Variants in SRD5A3 observed in about 807,000 individuals in gnomAD.
SRD5A3 encodes the protein steroid 5 alpha-reductase 3.
SRD5A3 carries 24 observed loss-of-function variants against 34.3 expected under a neutral mutation model. That is an observed-to-expected ratio of 0.70 (90% confidence interval 0.51 to 0.99). The LOEUF is 0.99. SRD5A3 is among the 50% of genes least tolerant of loss of function. The probability of loss-of-function intolerance (pLI) is 0.00; values close to 1 mark genes in which losing one functional copy is unlikely to be tolerated. For missense variants in SRD5A3, 350 were observed against 388.2 expected, an observed-to-expected ratio of 0.90 and a Z score of 0.83; for synonymous variants, 161 against 167.3, an observed-to-expected ratio of 0.96 and a Z score of 0.29.
chr4:55,356,590 T>C (rs1719470643), intron 1 of SRD5A3, among the ~76,000 whole-genome samples: 1 of 151,808 alleles, frequency 6.6e-6, no homozygotes, highest in Non-Finnish European at 1.5e-5. Flanking sequence ...GCCTCCCGAG[T>C]AGCTGGAACT....
intron 4 of SRD5A3, among the ~76,000 whole-genome samples, chr4:55,369,147 G>C (rs369277039): frequency 2.0e-5 from 3 of 152,078 alleles, no homozygotes; most frequent in Non-Finnish European, 4.4e-5. Flanking sequence ...ACTACAGTCC[G>C]GTCTTCATTT....
rs3762838 is a variant in SRD5A3, at chr4:55,367,816, G to T, written c.697+94G>T. The stretch of plus-strand genomic sequence containing the variant: ...ATGCTTTTCCTTCCTGCCCTAGTTA[G>T]TTGACTGTATCAAATATTGATTTTT... On this transcript the variant is annotated intron_variant, in intron 4 of 4. Coordinates refer to ENST00000264228, the MANE Select transcript of SRD5A3 (RefSeq NM_024592.5). The T allele has an allele frequency of 4.5e-4, 682 of 1,502,634 alleles. 4 individuals are homozygous for T. In the East Asian group the frequency reaches 0.011, roughly 24 times the overall value. 93.1% of individuals were successfully genotyped at this position (1,502,634 alleles called of 1,614,324 possible).
chr4:55,370,227 C>T lies in SRD5A3; in HGVS notation c.*136C>T. ...TCCATTTCTATACCCCACAAGTTTTCACTGAATGAGCATGGCAGTGCCACT... is the reference window on the plus strand; with the variant it reads ...TCCATTTCTATACCCCACAAGTTTTTACTGAATGAGCATGGCAGTGCCACT... On this transcript the variant is annotated 3_prime_UTR_variant, in exon 5 of 5. Coordinates refer to ENST00000264228, the MANE Select transcript of SRD5A3 (RefSeq NM_024592.5). 1.7e-6 allele frequency: 2 copies of T among 1,181,358 alleles called. No homozygotes were observed. The highest frequency in any genetic ancestry group is 2.5e-6 in the Non-Finnish European group (2 of 810,656). 73.2% of individuals were successfully genotyped at this position (1,181,358 alleles called of 1,614,324 possible). A position where few individuals can be genotyped will look rare whatever the true frequency, so the allele number is the denominator to read the frequency against.
At chr4:55,352,445 A>T in intron 1 of SRD5A3, 1 of 724,630 alleles carries the variant, frequency 1.4e-6, no homozygotes, top group Non-Finnish European at 2.6e-6. Context: ...TAATATTTTC[A>T]GAAGGGCTGT....
intron 1 of SRD5A3, among the ~76,000 whole-genome samples, chr4:55,354,035 A>C (rs137966579): frequency 9.0e-4 from 137 of 152,294 alleles, no homozygotes; most frequent in African/African-American, 3.2e-3. Context: ...GTAAACATTA[A>C]TTCCCCTTCT....
At position 55,346,480 on chromosome 4, in the gene SRD5A3, C is replaced by A; in HGVS notation, c.144C>A (p.Asp48Glu). The A allele has an allele frequency of 6.2e-7, 1 of 1,606,198 alleles. No individual in the cohort carries two copies. The highest frequency in any genetic ancestry group is 8.5e-7 in the Non-Finnish European group (1 of 1,176,950). The stretch of plus-strand genomic sequence containing the variant: ...TCCCGGGCTGCGCGATCTTCCAGGA[C>A]CTGATCCGCTATGGGAAAACCAAGT... The part of the protein sequence containing the change: ...GLLPGCAIFQ[D>E]LIRYGKTKCG... The change falls in exon 1 of 5, where the codon GAC becomes GAA. Residue 48 changes from aspartate to glutamate, a missense_variant. Physicochemically the swap from Asp to Glu is conservative, Grantham distance 45. This residue lies in a region of SRD5A3 where 159 missense variants were observed against 149.1 expected (regional missense o/e 1.07). Coordinates refer to ENST00000264228, the MANE Select transcript of SRD5A3 (RefSeq NM_024592.5).
intron 1 of SRD5A3, among the ~76,000 whole-genome samples, chr4:55,357,740 C>G (rs1719524301): frequency 6.6e-6 from 1 of 152,168 alleles, no homozygotes; most frequent in African/African-American, 2.4e-5. Context: ...GGGTCTTGCT[C>G]TATTGCCCAG....
chr4:55,351,441 A>G (rs11133374), intron 1 of SRD5A3, among the ~76,000 whole-genome samples: 136,067 of 152,072 alleles, frequency 0.89, 61,210 homozygotes, highest in East Asian at 1. Context: ...GGGCAAGCAC[A>G]GTGGCTCACA....
At chr4:55,351,336 C>T (rs112719176) in intron 1 of SRD5A3, among the ~76,000 whole-genome samples, 2,064 of 152,064 alleles carry the variant, frequency 0.014, 45 homozygotes, top group African/African-American at 0.048. Context: ...CCTCCCAAAG[C>T]GCCAGGACCA....
intron 1 of SRD5A3, among the ~76,000 whole-genome samples, chr4:55,354,446 T>C (rs1205133483): frequency 6.6e-6 from 1 of 152,170 alleles, no homozygotes; most frequent in East Asian, 1.9e-4. Flanking sequence ...CCCCAAACCA[T>C]AGAGTAGCTT....
intron 1 of SRD5A3, among the ~76,000 whole-genome samples, chr4:55,347,806 G>A (rs1168334907): frequency 6.6e-6 from 1 of 152,136 alleles, no homozygotes; most frequent in African/African-American, 2.4e-5. Context: ...ACAGAGAAGG[G>A]AGAACTAGGT....
rs1027997488 is a variant in SRD5A3 at position 55,359,168 on chromosome 4, T to C, written c.222-178T>C. On this transcript the variant is annotated intron_variant, in intron 1 of 4. Transcript: ENST00000264228. ...TCCTGAAAGTTAACTGGTCCCGTTA[T>C]TTGAAAGGAAATTTTAAGAACCTGA... 5.0e-5 allele frequency: 40 copies of C among 797,040 alleles called. 1 individual carries two copies. In the Admixed American group the frequency reaches 9.8e-4, roughly 20 times the overall value. The allele number at this position is 797,040 out of a possible 1,614,324, so 49.4% of individuals were successfully genotyped here.
chr4:55,346,943 C>T (rs186310102), intron 1 of SRD5A3, among the ~76,000 whole-genome samples: 1 of 152,360 alleles, frequency 6.6e-6, no homozygotes, highest in Admixed American at 6.5e-5. Flanking sequence ...TTCCCGTACC[C>T]TGCACTCCAG....
At chr4:55,356,000 A>ATTTTTTTTTTTTTTTTTTTTTT (rs10648522) in intron 1 of SRD5A3, among the ~76,000 whole-genome samples, 4 of 74,264 alleles carry the variant, frequency 5.4e-5, no homozygotes, top group South Asian at 6.7e-4. Flanking sequence ...TTTTGCCTCC[A>ATTTTTTTTTTTTTTTTTTTTTT]TTTTTTTTTT....
intron 4 of SRD5A3, among the ~76,000 whole-genome samples, chr4:55,369,146 C>T (rs142069144): frequency 6.6e-6 from 1 of 152,222 alleles, no homozygotes; most frequent in Non-Finnish European, 1.5e-5. Context: ...GACTACAGTC[C>T]GGTCTTCATT....
intron 1 of SRD5A3, among the ~76,000 whole-genome samples, chr4:55,354,957 C>T (rs1719390337): frequency 6.6e-6 from 1 of 152,240 alleles, no homozygotes. Context: ...CAAGGGAGTG[C>T]TCATTCAGCA....
Position 55,346,438 on chromosome 4 carries a change from C to T in SRD5A3, c.102C>T (p.Leu34=). The T allele has an allele frequency of 2.5e-6, 4 of 1,605,734 alleles. No homozygotes were observed. Among genetic ancestry groups the T allele is most frequent in the African/African-American group, 1.3e-5 (1 of 74,108 alleles). ...AAFLLTLLLQ[L]LPPGLLPGCA... ...TCCTGCTGACCCTACTGCTGCAGCT[C>T]CTGCCGCCCGGCCTGCTCCCGGGCT... is the stretch of plus-strand genomic sequence containing the variant. The change falls in exon 1 of 5, where the codon CTC becomes CTT. Residue 34 remains leucine, a synonymous_variant. Transcript: ENST00000264228.
In SRD5A3 at chr4:55,346,515, C is replaced by G. The variant is rs1294798059; in HGVS notation, c.179C>G (p.Pro60Arg). The G allele has an allele frequency of 1.9e-6, 3 of 1,598,730 alleles. No homozygotes were observed. In the South Asian group the frequency reaches 3.4e-5, roughly 18 times the overall value. The change falls in exon 1 of 5, where the codon CCG (proline) becomes CGG (arginine). Residue 60 changes from proline (P) to arginine (R), a missense_variant. Around this residue, in one of 3 missense-constraint regions of SRD5A3, gnomAD observed 159 missense variants for 149.1 expected, o/e 1.07. Transcript: ENST00000264228. ...TATGGGAAAACCAAGTGTGGGGAGC[C>G]GTCGCGCCCCGCCGCCTGCCGAGCC... ...IRYGKTKCGE[P>R]SRPAACRAFD...
chr4:55,369,072 C>T (rs1969379), intron 4 of SRD5A3, among the ~76,000 whole-genome samples: 85 of 152,274 alleles, frequency 5.6e-4, no homozygotes, highest in African/African-American at 1.9e-3. Context: ...TTATCAAGTA[C>T]TTATTTTGTC....
Sources: allele counts gnomAD v4.1 joint callset (sites outside exome capture counted in the v4.1 genomes callset), GRCh38; gene constraint gnomAD v4.1.1; regional missense constraint gnomAD v4.1.1; transcripts MANE v1.5; gene names NCBI Gene and HGNC (gene_info 2026-07-23, HGNC 2026-07-21).